Variants in KRT77 observed in about 807,000 individuals in gnomAD.
KRT77 encodes the protein keratin 77, also known as keratin, type II cytoskeletal 1b.
In KRT77, 44 loss-of-function variants were observed where a neutral mutation model predicts 51.5. The observed-to-expected ratio is 0.85, with a 90% CI of 0.67 to 1.10. The LOEUF (loss-of-function observed/expected upper bound fraction) is 1.10, where lower values mean the gene tolerates loss of function less well. Among genes scored for constraint, KRT77 ranks in the 50% least tolerant of loss-of-function variants. The pLI, the probability that KRT77 is intolerant of heterozygous loss-of-function variation, is 0.00. For synonymous variants in KRT77, 293 were observed against 302.0 expected, an observed-to-expected ratio of 0.97 and a Z score of 0.31; for missense variants, 763 against 743.9, an observed-to-expected ratio of 1.03 and a Z score of -0.30.
intron 1 of KRT77, 96 bp downstream of exon 1, chr12:52,702,796 C>A: frequency 7.7e-7 from 1 of 1,303,798 alleles, no homozygotes; most frequent in Non-Finnish European, 1.1e-6. Flanking sequence ...CCAGGTCAAG[C>A]TGAAACAGCA....
Position 52,692,484 on chromosome 12 carries a change from A to G in KRT77, c.1364T>C (p.Val455Ala). 1 of 1,612,958 alleles carries G rather than the reference A, an allele frequency of 6.2e-7. No individual in the cohort carries two copies. The highest frequency in any genetic ancestry group is 8.5e-7 in the Non-Finnish European group (1 of 1,179,776). The change falls in exon 7 of 9, where the codon GTC (valine) becomes GCC (alanine). Residue 455 changes from valine (V) to alanine (A), a missense_variant. Physicochemically the swap from Val to Ala is moderately conservative, Grantham distance 64. Transcript: ENST00000341809. ...GATCTCCACATCCAGGGACAGCTTG[A>G]CCCCCAGCATGGCCTGGTAGTCACG... ...LLRDYQAMLGVKLSLDVEIAT... is the reference protein window; with the variant it reads ...LLRDYQAMLGAKLSLDVEIAT...
chr12:52,703,156 C>T lies in KRT77; in HGVS notation c.279G>A (p.Gly93=). The T allele has an allele frequency of 6.2e-7, 1 of 1,609,076 alleles. No individual in the cohort carries two copies. Among genetic ancestry groups the T allele is most frequent in the East Asian group, 2.2e-5 (1 of 44,774 alleles). The change falls in exon 1 of 9, where the codon GGG becomes GGA. Residue 93 remains glycine, a synonymous_variant. Transcript: ENST00000341809. The part of the protein sequence containing the change: ...CQGGGVGGFG[G]GRGFGVGSTG... ...TGCTGCCAACCCCAAAGCCTCTGCC[C>T]CCTCCAAATCCCCCTACTCCCCCAC...
chr12:52,700,467 CCT>C (rs1941871372), intron 1 of KRT77, among the ~76,000 whole-genome samples: 2 of 152,008 alleles, frequency 1.3e-5, no homozygotes, highest in Admixed American at 6.5e-5. Context: ...GGAAGGTGGG[CCT>C]CTCTCTCGGG....
chr12:52,703,342 A>C lies in KRT77; in HGVS notation c.93T>G (p.Ser31Arg). 6.2e-7 allele frequency: 1 copy of C among 1,613,488 alleles called. No homozygotes were observed. Among genetic ancestry groups the C allele is most frequent in the South Asian group, 1.1e-5 (1 of 91,014 alleles). Residue 31 changes from serine to arginine, a missense_variant, in exon 1 of 9, where the codon AGT becomes AGG. Ser to Arg is a moderately radical substitution (Grantham distance 110, BLOSUM62 -1). Transcript: ENST00000341809. ...TSSSAGSGGG[S>R]PAVGSVCYAR... Reference sequence around the variant, plus strand: ...CATAACACACAGAACCCACTGCCGGACTCCCACCACCAGAGCCTGCAGAAG... The same window carrying C: ...CATAACACACAGAACCCACTGCCGGCCTCCCACCACCAGAGCCTGCAGAAG...
chr12:52,701,955 AT>A (rs1299210970), intron 1 of KRT77, among the ~76,000 whole-genome samples: 1 of 151,716 alleles, frequency 6.6e-6, no homozygotes, highest in Non-Finnish European at 1.5e-5. Context: ...TTGGTATCCC[AT>A]TTTCTCCAGG....
intron 1 of KRT77, among the ~76,000 whole-genome samples, chr12:52,701,618 G>A (rs1022315378): frequency 1.3e-5 from 2 of 152,248 alleles, no homozygotes; most frequent in African/African-American, 2.4e-5. Flanking sequence ...TCCTCCTGGG[G>A]AGGTGCTAGT....
At chr12:52,696,503 A>T (rs897511540) in intron 2 of KRT77, 73 bp from the exon 3 acceptor site, 1 of 1,274,040 alleles carries the variant, frequency 7.8e-7, no homozygotes, top group African/African-American at 1.5e-5. Flanking sequence ...TCCTTACAGC[A>T]GAAAGCTTGG....
chr12:52,692,938 G>A, intron 5 of KRT77, 58 bp from the exon 6 acceptor site: 1 of 1,580,398 alleles, frequency 6.3e-7, no homozygotes, highest in Non-Finnish European at 8.7e-7. Context: ...GCCCCTCCAG[G>A]AGGGAGTAGG....
chr12:52,703,238 C>A lies in KRT77; in HGVS notation c.197G>T (p.Gly66Val), dbSNP rs1941912064. Residue 66 changes from glycine (G) to valine (V), a missense_variant, in exon 1 of 9, where the codon GGC becomes GTC. By Grantham distance (109) the Gly-to-Val change is moderately radical. Transcript: ENST00000341809. Reference protein sequence around the residue: ...FGSRSLYNLGGSRSISINLMG... With the variant: ...FGSRSLYNLGVSRSISINLMG... ...TAGATTAATGGAGATGCTTCTACTG[C>A]CACCCAGATTGTAGAGGCTCCTAGA... 1.2e-6 allele frequency: 2 copies of A among 1,613,600 alleles called. No individual in the cohort carries two copies. Among genetic ancestry groups the A allele is most frequent in the African/African-American group, 1.3e-5 (1 of 74,746 alleles).
Position 52,699,064 on chromosome 12 carries a change from A to T in KRT77, c.544-1168T>A, listed in dbSNP as rs138831422. 8.2e-4 allele frequency among the ~76,000 whole-genome samples: 125 copies of T among 152,226 alleles called. 1 individual carries two copies. In the East Asian group the frequency reaches 0.022, roughly 26 times the overall value. On this transcript the variant is annotated intron_variant, in intron 1 of 8. Coordinates refer to ENST00000341809, the MANE Select transcript of KRT77 (RefSeq NM_175078.3). ...ATGTTTGCAGACAACACAACCTCCC[A>T]TGGCTCATTTTTGCTCACCTTATCA...
intron 8 of KRT77, 113 bp downstream of exon 8, chr12:52,691,825 G>T: frequency 1.7e-6 from 2 of 1,207,542 alleles, no homozygotes; most frequent in South Asian, 1.2e-5. Flanking sequence ...GGTGTCTATT[G>T]CACAGGACTG....
chr12:52,697,686 T>C lies in KRT77; in HGVS notation c.754A>G (p.Ser252Gly). Residue 252 changes from serine (S) to glycine (G), a missense_variant, in exon 2 of 9, where the codon AGC (serine) becomes GGC (glycine). Coordinates refer to ENST00000341809, the MANE Select transcript of KRT77 (RefSeq NM_175078.3). Reference sequence around the variant, plus strand: ...TTGCCCTGCCTGGAGTCTCACTTGCTCTTGTAGTCCTCCACGACATCCTGC... The same window carrying C: ...TTGCCCTGCCTGGAGTCTCACTTGCCCTTGTAGTCCTCCACGACATCCTGC... The part of the protein sequence containing the change: ...SMQDVVEDYK[S>G]KYEDEINKRT... 6.2e-7 allele frequency: 1 copy of C among 1,610,732 alleles called. No individual in the cohort carries two copies. Among genetic ancestry groups the C allele is most frequent in the Admixed American group, 1.7e-5 (1 of 59,780 alleles).
chr12:52,702,020 C>T (rs946148575), intron 1 of KRT77, among the ~76,000 whole-genome samples: 5 of 152,168 alleles, frequency 3.3e-5, no homozygotes, highest in Non-Finnish European at 5.9e-5. Context: ...GCCTCCTGGT[C>T]CTTCTGCCTG....
At chr12:52,701,922 TCTC>T (rs1292996495) in intron 1 of KRT77, among the ~76,000 whole-genome samples, 1 of 152,170 alleles carries the variant, frequency 6.6e-6, no homozygotes, top group African/African-American at 2.4e-5. Context: ...TGTGGCTTCA[TCTC>T]CACTTCTCTC....
Position 52,698,233 on chromosome 12 carries a change from G to A in KRT77, c.544-337C>T, listed in dbSNP as rs1032805486. ...GGAAATGGTGTTTCGGAGCATCTGA[G>A]ACACTGATGACCCCAAGGTTCCTTT... On this transcript the variant is annotated intron_variant, in intron 1 of 8. Transcript: ENST00000341809. 9.8e-6 allele frequency: 9 copies of A among 921,628 alleles called. 1 individual carries two copies. In the South Asian group the frequency reaches 1.1e-4, roughly 11 times the overall value. 57.1% of individuals were successfully genotyped at this position (921,628 alleles called of 1,614,324 possible). A position where few individuals can be genotyped will look rare whatever the true frequency, so the allele number is the denominator to read the frequency against.
rs1941816121 is a variant in KRT77 at position 52,697,674 on chromosome 12, A to G, written c.758+8T>C. The G allele has an allele frequency of 1.2e-6, 2 of 1,606,314 alleles. No individual in the cohort carries two copies. Among genetic ancestry groups the G allele is most frequent in the Non-Finnish European group, 1.7e-6 (2 of 1,176,448 alleles). The stretch of plus-strand genomic sequence containing the variant: ...TTCTCCCCTGTTTTGCCCTGCCTGG[A>G]GTCTCACTTGCTCTTGTAGTCCTCC... On this transcript the variant is annotated splice_region_variant and intron_variant, in intron 2 of 8. Coordinates refer to ENST00000341809, the MANE Select transcript of KRT77 (RefSeq NM_175078.3).
intron 1 of KRT77, among the ~76,000 whole-genome samples, chr12:52,699,813 G>A (rs748915140): frequency 2.6e-5 from 4 of 152,252 alleles, no homozygotes; most frequent in East Asian, 3.9e-4. Flanking sequence ...TCTCTCTCCC[G>A]GGCTGCACTG....
chr12:52,694,662 C>T lies in KRT77; in HGVS notation c.1044G>A (p.Arg348=), dbSNP rs1268092310. The part of the protein sequence containing the change: ...VRTQYELIAQ[R]SKDEAEALYQ... ...ACAGGGCTTCGGCCTCGTCCTTGCT[C>T]CTCTGTGCAATCAGTTCATACTGGG... Residue 348 remains arginine (R), a synonymous_variant, in exon 5 of 9, where the codon AGG becomes AGA. Transcript: ENST00000341809. 1 of 1,611,786 alleles carries T rather than the reference C, an allele frequency of 6.2e-7. No homozygotes were observed. Among genetic ancestry groups the T allele is most frequent in the Non-Finnish European group, 8.5e-7 (1 of 1,178,544 alleles).
rs954814179 is a variant in KRT77 at position 52,690,013 on chromosome 12, A to T, written c.*1152T>A. On this transcript the variant is annotated 3_prime_UTR_variant, in exon 9 of 9. Coordinates refer to ENST00000341809, the MANE Select transcript of KRT77 (RefSeq NM_175078.3). Reference sequence around the variant, plus strand: ...GAAAGGGCATTAAAATGCCTTGCAAAAAAATGGGCAGCTTCCTGACTGACT... The same window carrying T: ...GAAAGGGCATTAAAATGCCTTGCAATAAAATGGGCAGCTTCCTGACTGACT... The T allele has an allele frequency of 3.9e-5, 6 of 152,260 alleles. No individual in the cohort carries two copies. Among genetic ancestry groups the T allele is most frequent in the Admixed American group, 3.9e-4 (6 of 15,282 alleles). The allele number at this position is 152,260 out of a possible 1,614,324, so 9.4% of individuals were successfully genotyped here. A position where few individuals can be genotyped will look rare whatever the true frequency, so the allele number is the denominator to read the frequency against.
Sources: gnomAD v4.1 joint callset for allele counts (sites outside exome capture counted in the v4.1 genomes callset) on GRCh38, gnomAD v4.1.1 for gene constraint, MANE v1.5 for transcripts, NCBI Gene and HGNC (gene_info 2026-07-23, HGNC 2026-07-21) for gene names.